GATAD1: variants seen among roughly 807,000 people sequenced by gnomAD.
GATAD1 encodes the protein GATA zinc finger domain-containing protein 1.
Under a neutral mutation model 26.5 loss-of-function variants are expected in GATAD1, and 12 were observed. The observed-to-expected ratio is 0.45, with a 90% confidence interval of 0.29 to 0.73. GATAD1 has a LOEUF of 0.73. Ranked by LOEUF, GATAD1 falls within the 30% of genes least tolerant of loss-of-function variation. The pLI is 0.10. For synonymous variants in GATAD1, 129 were observed against 133.1 expected (o/e 0.97, Z 0.21); for missense variants, 266 against 342.1 (o/e 0.78, Z 1.75).
At position 92,448,807 on chromosome 7, in the gene GATAD1, C is replaced by T. The variant is rs766855347; in HGVS notation, c.305C>T (p.Ser102Phe). 1.2e-6 allele frequency: 2 copies of T among 1,609,012 alleles called. No individual in the cohort carries two copies. ...SARLRNTKYK[S>F]APAAEKKVST... ...CGGCTCAGAAACACTAAATACAAAT[C>T]TGCTCCGGCTGCTGAAAAGAAAGTC... Residue 102 changes from serine to phenylalanine, a missense_variant, in exon 2 of 5, where the codon TCT becomes TTT. Physicochemically the swap from Ser to Phe is radical, Grantham distance 155. Transcript: ENST00000287957.
the GATAD1 span, among the ~76,000 whole-genome samples, chr7:92,466,140 T>C: frequency 6.6e-6 from 1 of 152,154 alleles, no homozygotes; most frequent in African/African-American, 2.4e-5. Context: ...TCCCCATGAA[T>C]AGTGAAGGTG....
chr7:92,456,329 A>G (rs1789669370), intron 4 of GATAD1, 43 bp from the exon 5 acceptor site: 12 of 1,319,088 alleles, frequency 9.1e-6, no homozygotes, highest in Non-Finnish European at 1.3e-5. Flanking sequence ...AATGATATAT[A>G]TGGTCAAAAA....
At chr7:92,489,369 G>A in the GATAD1 span, 1 of 1,611,930 alleles carries the variant, frequency 6.2e-7, no homozygotes, top group South Asian at 1.1e-5. Flanking sequence ...AAATGTGACT[G>A]ACTAATAGCC....
At chr7:92,462,773 G>A (rs1562825922), downstream of GATAD1, among the ~76,000 whole-genome samples, 1 of 152,216 alleles carries the variant, frequency 6.6e-6, no homozygotes, top group Non-Finnish European at 1.5e-5. Flanking sequence ...GAGGAGAACA[G>A]ACCAAAGCCT....
At chr7:92,466,904 G>T in the GATAD1 span, among the ~76,000 whole-genome samples, 1 of 152,014 alleles carries the variant, frequency 6.6e-6, no homozygotes, top group Non-Finnish European at 1.5e-5. Flanking sequence ...CCCTCCCACA[G>T]AAACTGGAAG....
the GATAD1 span, among the ~76,000 whole-genome samples, chr7:92,492,442 C>T: frequency 2.6e-5 from 4 of 152,196 alleles, no homozygotes; most frequent in African/African-American, 9.7e-5. Flanking sequence ...GCTGGGATTA[C>T]AGGCGTGAAC....
At chr7:92,484,457 G>T in the GATAD1 span, among the ~76,000 whole-genome samples, 1 of 152,178 alleles carries the variant, frequency 6.6e-6, no homozygotes, top group African/African-American at 2.4e-5. Flanking sequence ...AGACACCAAT[G>T]GAGTGTGGGT....
chr7:92,491,595 T>G, the GATAD1 span: 29 of 765,506 alleles, frequency 3.8e-5, no homozygotes, highest in Non-Finnish European at 6.5e-5. Context: ...ATTAGAGCAA[T>G]ACAAGAAACT....
the GATAD1 span, chr7:92,487,375 A>G: frequency 1.3e-6 from 1 of 745,328 alleles, no homozygotes; most frequent in Non-Finnish European, 2.3e-6. Context: ...GAAGAAATTC[A>G]TAGACACCAT....
At chr7:92,487,943 A>G in the GATAD1 span, among the ~76,000 whole-genome samples, 1 of 152,222 alleles carries the variant, frequency 6.6e-6, no homozygotes, top group Non-Finnish European at 1.5e-5. Flanking sequence ...ATACATTTCA[A>G]AAGCCTTAAA....
rs559000831 is a variant in GATAD1 at position 92,459,847 on chromosome 7, A to G, written c.*3285A>G. On this transcript the variant is annotated 3_prime_UTR_variant, in exon 5 of 5. Coordinates refer to ENST00000287957, the MANE Select transcript of GATAD1 (RefSeq NM_021167.5). ...AGATGCTGATTGTAGGGTCTGAGTT[A>G]GATACTGTTAACTAAAATGCTTGTT... 6.6e-6 allele frequency among the ~76,000 whole-genome samples: 1 copy of G among 152,326 alleles called. No individual in the cohort carries two copies. The highest frequency in any genetic ancestry group is 2.1e-4 in the South Asian group (1 of 4,826).
intron 3 of GATAD1, among the ~76,000 whole-genome samples, chr7:92,453,882 C>T (rs537211868): frequency 2.0e-5 from 3 of 152,272 alleles, no homozygotes; most frequent in African/African-American, 7.2e-5. Flanking sequence ...AGGGATAGTA[C>T]GGAGCACAGA....
At chr7:92,494,534 A>G in the GATAD1 span, 35 of 1,613,742 alleles carry the variant, frequency 2.2e-5, no homozygotes, top group Non-Finnish European at 3.0e-5. Context: ...CTGGTTAACT[A>G]CTCGGTCTGT....
chr7:92,491,821 A>C, the GATAD1 span, among the ~76,000 whole-genome samples: 1 of 152,188 alleles, frequency 6.6e-6, no homozygotes, highest in Non-Finnish European at 1.5e-5. Context: ...AAAATGATGA[A>C]TCAACCATGT....
the GATAD1 span, chr7:92,489,529 G>T: frequency 1.8e-6 from 2 of 1,099,468 alleles, no homozygotes; most frequent in Non-Finnish European, 2.7e-6. Flanking sequence ...GAGACCATAC[G>T]TTCTCTTCCT....
the GATAD1 span, among the ~76,000 whole-genome samples, chr7:92,467,250 G>A: frequency 1.3e-5 from 2 of 151,952 alleles, no homozygotes; most frequent in African/African-American, 2.4e-5. Context: ...ACCCGGAGGC[G>A]GAGGTTGAGC....
chr7:92,448,784 G>T lies in GATAD1; in HGVS notation c.282G>T (p.Arg94=), dbSNP rs1049152827. The change falls in exon 2 of 5, where the codon CGG becomes CGT. Residue 94 remains arginine, a synonymous_variant. Coordinates refer to ENST00000287957, the MANE Select transcript of GATAD1 (RefSeq NM_021167.5). ...SKQEIHRRSA[R]LRNTKYKSAP... ...AGGAAATTCACAGGAGGTCTGCTCG[G>T]CTCAGAAACACTAAATACAAATCTG... is the stretch of plus-strand genomic sequence containing the variant. 1.2e-6 allele frequency: 2 copies of T among 1,611,228 alleles called. No individual in the cohort carries two copies. The highest frequency in any genetic ancestry group is 2.7e-5 in the African/African-American group (2 of 74,970).
chr7:92,450,889 C>T, intron 3 of GATAD1, 129 bp downstream of exon 3: 1 of 586,582 alleles, frequency 1.7e-6, no homozygotes, highest in Non-Finnish European at 3.0e-6. Context: ...TTTTTGTTCC[C>T]TTCTTAGCTG....
chr7:92,480,096 G>T, the GATAD1 span, among the ~76,000 whole-genome samples: 1 of 152,114 alleles, frequency 6.6e-6, no homozygotes, highest in African/African-American at 2.4e-5. Flanking sequence ...TGAAGATTGA[G>T]GACAGTAAGG....
Sources: allele counts gnomAD v4.1 joint callset (sites outside exome capture counted in the v4.1 genomes callset), GRCh38; gene constraint gnomAD v4.1.1; transcripts MANE v1.5; gene names NCBI Gene and HGNC (gene_info 2026-07-23, HGNC 2026-07-21).